MACF1: variants seen among roughly 807,000 people sequenced by gnomAD.
MACF1 encodes microtubule-actin cross-linking factor 1.
Under a neutral mutation model 854.8 loss-of-function variants are expected in MACF1, and 193 were observed. That is an observed-to-expected ratio of 0.23 (90% CI 0.20 to 0.25). The LOEUF (loss-of-function observed/expected upper bound fraction) is 0.25. Among genes scored for constraint, MACF1 ranks in the 10% least tolerant of loss-of-function variants. MACF1 has a pLI of 1.00. For synonymous variants in MACF1, 3,185 were observed against 3,226.7 expected, an observed-to-expected ratio of 0.99 and a Z score of 0.44; for missense variants, 7,722 against 8,929.1, an observed-to-expected ratio of 0.86 and a Z score of 5.45.
rs1365714360 is a variant in MACF1 at position 39,347,006 on chromosome 1, A to G, written c.10611A>G (p.Lys3537=). ...TGAAACAGCCCATGGCTGAAAGGAAAGCTCAGCTGGATGCTCTTGCTTTTG... is the reference window on the plus strand; with the variant it reads ...TGAAACAGCCCATGGCTGAAAGGAAGGCTCAGCTGGATGCTCTTGCTTTTG... The part of the protein sequence containing the change: ...EDLKQPMAER[K]AQLDALAFDI... Residue 3537 remains lysine, a synonymous_variant, in exon 41 of 101, where the codon AAA becomes AAG. Coordinates refer to ENST00000564288, the MANE Select transcript of MACF1 (RefSeq NM_001394062.1). 18 of 1,612,758 alleles carry G rather than the reference A, an allele frequency of 1.1e-5. No individual in the cohort carries two copies. Among genetic ancestry groups the G allele is most frequent in the Non-Finnish European group, 1.4e-5 (17 of 1,179,632 alleles).
intron 58 of MACF1, among the ~76,000 whole-genome samples, chr1:39,404,175 A>T (rs1642599228): frequency 6.6e-6 from 1 of 151,500 alleles, no homozygotes; most frequent in Admixed American, 6.6e-5. Context: ...ATAAATAAAT[A>T]AATAAATAAA....
At chr1:39,225,203 A>C (rs900885174) in intron 1 of MACF1, among the ~76,000 whole-genome samples, 4 of 69,710 alleles carry the variant, frequency 5.7e-5, no homozygotes, top group African/African-American at 2.1e-4. Context: ...ACAAATAGCA[A>C]ATTTTTCTTT....
chr1:39,227,899 G>C (rs2148299249), intron 1 of MACF1, among the ~76,000 whole-genome samples: 1 of 152,208 alleles, frequency 6.6e-6, no homozygotes, highest in Non-Finnish European at 1.5e-5. Flanking sequence ...ACTCCTCCTT[G>C]AAACTTCATT....
chr1:39,207,901 A>G (rs1210314903), intron 1 of MACF1, among the ~76,000 whole-genome samples: 2 of 152,016 alleles, frequency 1.3e-5, no homozygotes, highest in Non-Finnish European at 2.9e-5. Flanking sequence ...TGGGAGGCTG[A>G]GGCAGGTGGA....
chr1:39,332,072 G>T lies in MACF1; in HGVS notation c.5484G>T (p.Val1828=). The T allele has an allele frequency of 6.2e-7, 1 of 1,614,076 alleles. No homozygotes were observed. Among genetic ancestry groups the T allele is most frequent in the Non-Finnish European group, 8.5e-7 (1 of 1,179,992 alleles). The change falls in exon 37 of 101, where the codon GTG becomes GTT. Residue 1828 remains valine, a synonymous_variant. Transcript: ENST00000564288. ...AAAGGCTAACAATAGATGAAGCAGT[G>T]AGCAATGATCTAGTAGCTGCTAAGA... ...TGQRLTIDEA[V]SNDLVAAKIA... is the part of the protein sequence containing the mutation.
At chr1:39,302,538 T>C (rs1269270804) in intron 22 of MACF1, among the ~76,000 whole-genome samples, 1 of 152,202 alleles carries the variant, frequency 6.6e-6, no homozygotes, top group Non-Finnish European at 1.5e-5. Context: ...GGTGGGATGA[T>C]AGGAAGTAGG....
At chr1:39,367,977 A>G (rs949125802) in intron 49 of MACF1, among the ~76,000 whole-genome samples, 171 bp from the exon 50 acceptor site, 1 of 98,616 alleles carries the variant, frequency 1.0e-5, no homozygotes, top group African/African-American at 4.0e-5. Context: ...TCTCAAAAGG[A>G]AAAAAAAAAA....
At chr1:39,353,779 A>T (rs1647290890) in intron 44 of MACF1, among the ~76,000 whole-genome samples, 1 of 152,022 alleles carries the variant, frequency 6.6e-6, no homozygotes, top group African/African-American at 2.4e-5. Context: ...ATCATCCTAG[A>T]TTCCATTCTC....
At chr1:39,386,304 A>G (rs937114899) in intron 57 of MACF1, among the ~76,000 whole-genome samples, 7 of 150,664 alleles carry the variant, frequency 4.6e-5, no homozygotes, top group Non-Finnish European at 1.0e-4. Flanking sequence ...TCTGTCACCC[A>G]GGCTGGAGTA....
At position 39,299,807 on chromosome 1, in the gene MACF1, T is replaced by C. The variant is rs1437251402; in HGVS notation, c.2482-403T>C. Among the ~76,000 whole-genome samples the C allele has an allele frequency of 2.0e-5, 3 of 152,270 alleles. No individual in the cohort carries two copies. In the East Asian group the frequency reaches 5.8e-4, roughly 29 times the overall value. ...AAGCAGAAAGGGAAGAACTGGTTTC[T>C]ACCAGTGAGAAATTGACTAATAATA... On this transcript the variant is annotated intron_variant, in intron 21 of 100. Coordinates refer to ENST00000564288, the MANE Select transcript of MACF1 (RefSeq NM_001394062.1).
chr1:39,387,639 C>G lies in MACF1; in HGVS notation c.14797C>G (p.Leu4933Val). Residue 4933 changes from leucine to valine, a missense_variant, in exon 58 of 101, where the codon CTG (leucine) becomes GTG (valine). Physicochemically the swap from Leu to Val is conservative, Grantham distance 32. Coordinates refer to ENST00000564288, the MANE Select transcript of MACF1 (RefSeq NM_001394062.1). ...TAAGATGTCTGAGTTGCGAGTCACT[C>G]TGGATCCAGTGCAGCTAGAGTCCAG... ...KAKMSELRVT[L>V]DPVQLESSLL... 6.2e-7 allele frequency: 1 copy of G among 1,614,192 alleles called. No individual in the cohort carries two copies. Among genetic ancestry groups the G allele is most frequent in the Non-Finnish European group, 8.5e-7 (1 of 1,180,040 alleles).
chr1:39,298,676 A>G (rs1238994008), intron 21 of MACF1: 5 of 430,158 alleles, frequency 1.2e-5, no homozygotes, highest in South Asian at 5.1e-5. Context: ...TTGTAAACCT[A>G]TGAGTGGTTT....
chr1:39,364,783 C>T (rs1423085517), intron 49 of MACF1, among the ~76,000 whole-genome samples: 2 of 152,212 alleles, frequency 1.3e-5, no homozygotes, highest in African/African-American at 4.8e-5. Context: ...TGAGCCACCG[C>T]GCCCGGCCGT....
chr1:39,303,138 T>A, intron 23 of MACF1, 60 bp downstream of exon 23: 2 of 1,573,414 alleles, frequency 1.3e-6, no homozygotes, highest in South Asian at 2.3e-5. Context: ...GGTGAACCAG[T>A]GGAGGGATGA....
intron 20 of MACF1, among the ~76,000 whole-genome samples, chr1:39,297,252 G>A (rs765285074): frequency 6.6e-6 from 1 of 152,046 alleles, no homozygotes; most frequent in Admixed American, 6.6e-5. Context: ...AATAGTTTCC[G>A]TGATTATTTC....
intron 51 of MACF1, 126 bp from the exon 52 acceptor site, chr1:39,372,352 TA>T (rs2148539891): frequency 1.7e-6 from 1 of 600,464 alleles, no homozygotes; most frequent in African/African-American, 1.9e-5. Flanking sequence ...GATAAATGAA[TA>T]AATAAATCAG....
intron 1 of MACF1, among the ~76,000 whole-genome samples, chr1:39,226,314 T>A (rs1174613035): frequency 1.3e-5 from 2 of 152,096 alleles, no homozygotes; most frequent in Admixed American, 1.3e-4. Context: ...AAGGGCTTGG[T>A]AGATGAACAG....
chr1:39,115,555 A>G (rs974041665), intron 2 of MACF1, among the ~76,000 whole-genome samples: 2 of 152,124 alleles, frequency 1.3e-5, no homozygotes, highest in African/African-American at 2.4e-5. Context: ...TTTAGGTTAC[A>G]TTGCGGTCGA....
intron 60 of MACF1, among the ~76,000 whole-genome samples, chr1:39,423,438 A>ATTCAGAT (rs1373996119): frequency 3.9e-5 from 6 of 152,052 alleles, no homozygotes; most frequent in Non-Finnish European, 7.4e-5. Flanking sequence ...GATCGAGACC[A>ATTCAGAT]TCCTGGCTAA....
Sources: allele counts gnomAD v4.1 joint callset (sites outside exome capture counted in the v4.1 genomes callset), GRCh38; gene constraint gnomAD v4.1.1; transcripts MANE v1.5; gene names NCBI Gene and HGNC (gene_info 2026-07-23, HGNC 2026-07-21).